DHX30: variants seen among roughly 807,000 people sequenced by gnomAD.
DHX30 encodes the protein DExH-box helicase 30.
Under a neutral mutation model 116.9 loss-of-function variants are expected in DHX30, and 4 were observed. The observed-to-expected ratio is 0.03, with a 90% confidence interval of 0.02 to 0.08. The LOEUF is 0.08. Among genes scored for constraint, DHX30 ranks in the 10% least tolerant of loss-of-function variants. The probability of loss-of-function intolerance (pLI) is 1.00; values close to 1 mark genes in which losing one functional copy is unlikely to be tolerated. For synonymous variants in DHX30, 697 were observed against 651.7 expected, an observed-to-expected ratio of 1.07 and a Z score of -1.06; for missense variants, 871 against 1,595.1, an observed-to-expected ratio of 0.55 and a Z score of 7.73.
At chr3:47,832,627 CTT>C (rs1232599849) in intron 6 of DHX30, among the ~76,000 whole-genome samples, 56 of 142,730 alleles carry the variant, frequency 3.9e-4, no homozygotes, top group African/African-American at 1.4e-3. Context: ...ACATCTAATT[CTT>C]TTTTTTTTTT....
chr3:47,840,963 C>T lies in DHX30; in HGVS notation c.453C>T (p.Asp151=). 1 of 1,614,248 alleles carries T rather than the reference C, an allele frequency of 6.2e-7. No individual in the cohort carries two copies. The highest frequency in any genetic ancestry group is 8.5e-7 in the Non-Finnish European group (1 of 1,180,054). Residue 151 remains aspartate, a synonymous_variant, in exon 7 of 22, where the codon GAC becomes GAT. Transcript: ENST00000445061. ...CTGATCGCTTTGGCTCCCCTGCCGACAGCTGGTGGCGTCCGGAACCCACCA... is the reference window on the plus strand; with the variant it reads ...CTGATCGCTTTGGCTCCCCTGCCGATAGCTGGTGGCGTCCGGAACCCACCA... ...VLADRFGSPA[D]SWWRPEPTMP... is the part of the protein sequence containing the mutation.
At chr3:47,840,784 A>G in intron 6 of DHX30, 93 bp from the exon 7 acceptor site, 2 of 1,524,468 alleles carry the variant, frequency 1.3e-6, no homozygotes, top group South Asian at 1.2e-5. Flanking sequence ...CCACGGCTGC[A>G]CAACACAACT....
intron 4 of DHX30, among the ~76,000 whole-genome samples, chr3:47,824,420 G>A (rs1454191348): frequency 6.6e-6 from 1 of 152,142 alleles, no homozygotes; most frequent in Non-Finnish European, 1.5e-5. Flanking sequence ...GTTTCCTGAA[G>A]AGGTCTTCCT....
At chr3:47,829,311 TA>T (rs1261066195) in intron 6 of DHX30, among the ~76,000 whole-genome samples, 177 bp downstream of exon 6, 82 of 29,754 alleles carry the variant, frequency 2.8e-3, no homozygotes, top group African/African-American at 4.7e-3. Context: ...TATATATATA[TA>T]TATTTTTTTT....
At position 47,831,653 on chromosome 3, in the gene DHX30, C is replaced by T. The variant is rs2036854134; in HGVS notation, c.366+2519C>T. 4.0e-5 allele frequency among the ~76,000 whole-genome samples: 6 copies of T among 151,240 alleles called. No homozygotes were observed. In the South Asian group the frequency reaches 1.0e-3, roughly 26 times the overall value. The stretch of plus-strand genomic sequence containing the variant: ...TCCACTCTGCTGACTTGGCCATCTT[C>T]GTTCATGCCCTCTAGTTACTTTTTT... On this transcript the variant is annotated intron_variant, in intron 6 of 21. Transcript: ENST00000445061.
At chr3:47,835,451 A>G (rs1013363342) in intron 6 of DHX30, among the ~76,000 whole-genome samples, 18 of 151,336 alleles carry the variant, frequency 1.2e-4, no homozygotes, top group Admixed American at 6.6e-5. Context: ...TACAGGTGTG[A>G]GCCACTGTGC....
chr3:47,843,509 G>A (rs146116850), intron 9 of DHX30, among the ~76,000 whole-genome samples: 1 of 152,328 alleles, frequency 6.6e-6, no homozygotes, highest in African/African-American at 2.4e-5. Context: ...TGGTGAGGCC[G>A]GGAGGAAACT....
At chr3:47,822,018 A>G (rs1464113809) in intron 4 of DHX30, 1 of 152,192 alleles carries the variant, frequency 6.6e-6, no homozygotes, top group East Asian at 1.9e-4. Context: ...GCCATTATAG[A>G]ATGAAAGCAG....
Position 47,809,280 on chromosome 3 carries a change from C to T in DHX30, c.-27-1377C>T, listed in dbSNP as rs185806300. The stretch of plus-strand genomic sequence containing the variant: ...TTTTTGAGACGGAGTCTCACTCTGT[C>T]GCCCAGGCTGGAGTGCAGTGGCACA... On this transcript the variant is annotated intron_variant, in intron 2 of 21. Transcript: ENST00000445061. 6.0e-3 allele frequency among the ~76,000 whole-genome samples: 585 copies of T among 97,220 alleles called. 8 individuals are homozygous for T. The highest frequency in any genetic ancestry group is 0.019 in the African/African-American group (489 of 25,122). 63.8% of individuals were successfully genotyped at this position (97,220 alleles called of 152,430 possible). A position where few individuals can be genotyped will look rare whatever the true frequency, so the allele number is the denominator to read the frequency against.
chr3:47,822,646 A>C (rs907951390), intron 4 of DHX30, among the ~76,000 whole-genome samples: 1 of 151,922 alleles, frequency 6.6e-6, no homozygotes, highest in Non-Finnish European at 1.5e-5. Flanking sequence ...TTAGCTGGGC[A>C]TGGTGGCACG....
At chr3:47,807,509 C>T (rs2035583600) in intron 2 of DHX30, among the ~76,000 whole-genome samples, 1 of 151,764 alleles carries the variant, frequency 6.6e-6, no homozygotes, top group South Asian at 2.1e-4. Context: ...CGAGACCATC[C>T]TGGCCAACAT....
chr3:47,818,209 C>G (rs2036144933), intron 4 of DHX30, 92 bp downstream of exon 4: 3 of 709,802 alleles, frequency 4.2e-6, no homozygotes, highest in African/African-American at 1.8e-5. Flanking sequence ...GGGCCACAGC[C>G]CTCCAGAAAG....
intron 4 of DHX30, among the ~76,000 whole-genome samples, chr3:47,821,439 G>A (rs2036295789): frequency 6.6e-6 from 1 of 151,484 alleles, no homozygotes; most frequent in Admixed American, 6.6e-5. Flanking sequence ...CTAATTTTTT[G>A]TATTTTTTTA....
intron 2 of DHX30, among the ~76,000 whole-genome samples, chr3:47,807,095 A>G (rs2035563805): frequency 6.6e-6 from 1 of 151,930 alleles, no homozygotes; most frequent in African/African-American, 2.4e-5. Flanking sequence ...AATCCCAGCT[A>G]CTAGGGAGAC....
At chr3:47,830,191 T>C (rs1264341040) in intron 6 of DHX30, among the ~76,000 whole-genome samples, 2 of 150,614 alleles carry the variant, frequency 1.3e-5, no homozygotes, top group East Asian at 2.0e-4. Context: ...GGCTCACGCC[T>C]GTATTCCCAG....
At chr3:47,805,518 GGAA>G (rs752583580) in intron 2 of DHX30, 98 bp downstream of exon 2, 69 of 396,992 alleles carry the variant, frequency 1.7e-4, no homozygotes, top group Non-Finnish European at 2.9e-4. Flanking sequence ...TGACCATTTT[GGAA>G]GAAGGATATC....
At chr3:47,814,406 CAG>C (rs1174451840) in intron 3 of DHX30, among the ~76,000 whole-genome samples, 1 of 121,444 alleles carries the variant, frequency 8.2e-6, no homozygotes, top group African/African-American at 3.3e-5. Flanking sequence ...GCCTGGGTGA[CAG>C]AGCGAGACTC....
chr3:47,848,655 C>A lies in DHX30; in HGVS notation c.2607C>A (p.Thr869=), dbSNP rs1233698161. 6.2e-7 allele frequency: 1 copy of A among 1,614,120 alleles called. No homozygotes were observed. The highest frequency in any genetic ancestry group is 1.1e-5 in the South Asian group (1 of 91,086). Residue 869 remains threonine, a synonymous_variant, in exon 17 of 22, where the codon ACC becomes ACA. Coordinates refer to ENST00000445061, the MANE Select transcript of DHX30 (RefSeq NM_138615.3). The surrounding 1 kb of genome is among the most constrained non-coding windows in gnomAD (Gnocchi z 9.4). ...TGGACCAGCGGGAGTACCTGACTAC[C>A]CTGGGGCAGCGCCTGGCTCACATCT... ...GVLDQREYLT[T]LGQRLAHIST... is the part of the protein sequence containing the mutation.
intron 1 of DHX30, among the ~76,000 whole-genome samples, chr3:47,803,438 C>A (rs1260092535): frequency 6.6e-6 from 1 of 152,128 alleles, no homozygotes; most frequent in South Asian, 2.1e-4. Context: ...TGCCATGGAG[C>A]CCGGGCGGGG....
Sources: gnomAD v4.1 joint callset for allele counts (sites outside exome capture counted in the v4.1 genomes callset) on GRCh38, gnomAD v4.1.1 for gene constraint, Gnocchi (gnomAD v3.1) non-coding constraint, MANE v1.5 for transcripts, NCBI Gene and HGNC (gene_info 2026-07-23, HGNC 2026-07-21) for gene names.